PHACTR2: variants seen among roughly 807,000 people sequenced by gnomAD.
PHACTR2 encodes the protein chromosome 6 open reading frame 56.
Under a neutral mutation model 76.0 loss-of-function variants are expected in PHACTR2, and 30 were observed. That is an observed-to-expected ratio of 0.39 (90% confidence interval 0.30 to 0.54). The LOEUF is 0.54. Ranked by LOEUF, PHACTR2 falls within the 20% of genes least tolerant of loss-of-function variation. The probability of loss-of-function intolerance (pLI) is 0.61; values close to 1 mark genes in which losing one functional copy is unlikely to be tolerated. For synonymous variants in PHACTR2, 292 were observed against 292.5 expected (o/e 1.00, Z 0.02); for missense variants, 696 against 781.1 (o/e 0.89, Z 1.30).
Position 143,591,144 on chromosome 6 carries a change from C to T in PHACTR2, c.217+53937C>T, listed in dbSNP as rs1775686338. ...TGTGCCTTGTGATGCTTCCTTTTGC[C>T]CCATCAGCCAAGACATTCCACGTTC... On this transcript the variant is annotated intron_variant, in intron 1 of 11. Transcript: ENST00000367584. The surrounding 1 kb of genome is among the most constrained non-coding windows in gnomAD (Gnocchi z 6.4). Among the ~76,000 whole-genome samples the T allele has an allele frequency of 6.6e-6, 1 of 151,914 alleles. No individual in the cohort carries two copies. Among genetic ancestry groups the T allele is most frequent in the Admixed American group, 6.5e-5 (1 of 15,268 alleles).
chr6:143,716,853 C>A (rs1342124721), intron 2 of PHACTR2, among the ~76,000 whole-genome samples: 1 of 152,210 alleles, frequency 6.6e-6, no homozygotes, highest in Non-Finnish European at 1.5e-5. Context: ...GAGAGGAGGG[C>A]TTGCTCTGGT....
chr6:143,668,487 C>T (rs1777086569), intron 1 of PHACTR2, among the ~76,000 whole-genome samples: 1 of 152,070 alleles, frequency 6.6e-6, no homozygotes, highest in Admixed American at 6.6e-5. Flanking sequence ...GAATTCGGCT[C>T]TGAATCTGTC....
chr6:143,666,447 C>G (rs1777038093), intron 1 of PHACTR2, among the ~76,000 whole-genome samples: 1 of 152,162 alleles, frequency 6.6e-6, no homozygotes, highest in African/African-American at 2.4e-5. Context: ...CTTGAAGAAT[C>G]ACCACAGTGT....
chr6:143,817,520 T>G (rs538487412), intron 12 of PHACTR2, among the ~76,000 whole-genome samples: 2 of 152,274 alleles, frequency 1.3e-5, no homozygotes, highest in East Asian at 3.9e-4. Context: ...GATGGGCTCT[T>G]CAAGTCATTG....
chr6:143,824,443 G>A lies in PHACTR2; in HGVS notation c.*754G>A, dbSNP rs750016222. The A allele has an allele frequency of 6.6e-6, 1 of 152,590 alleles. No individual in the cohort carries two copies. Among genetic ancestry groups the A allele is most frequent in the African/African-American group, 2.4e-5 (1 of 41,422 alleles). 9.5% of individuals were successfully genotyped at this position (152,590 alleles called of 1,614,324 possible). The stretch of plus-strand genomic sequence containing the variant: ...TAAGTAGCATTAGCTATGCACACTT[G>A]ACATTTTTAAATATCCCTTTCCTAG... On this transcript the variant is annotated 3_prime_UTR_variant, in exon 13 of 13. Transcript: ENST00000440869. This position sits in a 1 kb window ranked among gnomAD's most constrained non-coding sequence, Gnocchi z 6.3.
chr6:143,638,140 A>G (rs1776495997), intron 1 of PHACTR2, among the ~76,000 whole-genome samples: 1 of 152,214 alleles, frequency 6.6e-6, no homozygotes, highest in South Asian at 2.1e-4. Context: ...ATAGACAGAA[A>G]CCACAAATAC....
At chr6:143,677,506 A>G (rs1777272287), upstream of PHACTR2, among the ~76,000 whole-genome samples, 1 of 152,158 alleles carries the variant, frequency 6.6e-6, no homozygotes, top group Non-Finnish European at 1.5e-5. Flanking sequence ...ACGTAGACCT[A>G]CCATTTAGAT....
rs1487634262 is a variant in PHACTR2, at chr6:143,611,591, G to A, written c.13+3269G>A. Among the ~76,000 whole-genome samples, 1 of 152,230 alleles carries A rather than the reference G, an allele frequency of 6.6e-6. No homozygotes were observed. The highest frequency in any genetic ancestry group is 2.4e-5 in the African/African-American group (1 of 41,454). On this transcript the variant is annotated intron_variant, in intron 1 of 11. Transcript: ENST00000305766. The surrounding 1 kb of genome is among the most constrained non-coding windows in gnomAD (Gnocchi z 4.4). ...GGTACCCATCTCATAGGATTGCTAT[G>A]AGGAGAAAATAAGATAACTCCTGTA...
upstream of PHACTR2, among the ~76,000 whole-genome samples, chr6:143,674,122 C>A (rs1286059859): frequency 2.6e-5 from 4 of 152,016 alleles, no homozygotes; most frequent in South Asian, 2.1e-4. The surrounding 1 kb of genome is among the most constrained non-coding windows in gnomAD (Gnocchi z 4.9). Flanking sequence ...GATATAGTAG[C>A]CATTTAGTTG....
chr6:143,567,207 G>A lies in PHACTR2; in HGVS notation c.217+30000G>A, dbSNP rs543301988. On this transcript the variant is annotated intron_variant, in intron 1 of 11. Coordinates refer to the PHACTR2 transcript ENST00000367584. ...CAAGTATTCTGGAGTCATTGTGAAA[G>A]CTGCAGATGTGGTTTAAGTGTGTTT... 6.6e-4 allele frequency among the ~76,000 whole-genome samples: 100 copies of A among 152,186 alleles called. 3 individuals carry two copies. In the South Asian group the frequency reaches 0.02, roughly 31 times the overall value.
intron 12 of PHACTR2, among the ~76,000 whole-genome samples, chr6:143,812,032 C>T (rs1187364341): frequency 1.3e-5 from 2 of 152,152 alleles, no homozygotes; most frequent in Non-Finnish European, 2.9e-5. Flanking sequence ...CCAAGTAAGG[C>T]TTCCCTTCAA....
rs1776459433 is a variant in PHACTR2, at chr6:143,823,150, T to G, written c.1923-524T>G. Among the ~76,000 whole-genome samples, 1 of 152,248 alleles carries G rather than the reference T, an allele frequency of 6.6e-6. No homozygotes were observed. Among genetic ancestry groups the G allele is most frequent in the Non-Finnish European group, 1.5e-5 (1 of 68,050 alleles). ...AAGCTTTGTATAGTTGTGGACATGC[T>G]TAGTATATACCTGTGGAACATCTGG... is the stretch of plus-strand genomic sequence containing the variant. On this transcript the variant is annotated intron_variant, in intron 12 of 12. Coordinates refer to ENST00000440869, the MANE Select transcript of PHACTR2 (RefSeq NM_001100164.2). This position sits in a 1 kb window ranked among gnomAD's most constrained non-coding sequence, Gnocchi z 5.7.
rs893636621 is a variant in PHACTR2 at position 143,777,987 on chromosome 6, C to A, written c.1645+604C>A. 6.6e-6 allele frequency among the ~76,000 whole-genome samples: 1 copy of A among 152,030 alleles called. No individual in the cohort carries two copies. The stretch of plus-strand genomic sequence containing the variant: ...TCTTTGACTTTAGTTTTTACTCATC[C>A]CTGCAGTAGTATTTATTGGAGTTAG... On this transcript the variant is annotated intron_variant, in intron 9 of 12. Coordinates refer to ENST00000440869, the MANE Select transcript of PHACTR2 (RefSeq NM_001100164.2). This position sits in a 1 kb window ranked among gnomAD's most constrained non-coding sequence, Gnocchi z 4.6.
chr6:143,696,630 G>A lies in PHACTR2; in HGVS notation c.47-15386G>A, dbSNP rs1777776804. 6.6e-6 allele frequency among the ~76,000 whole-genome samples: 1 copy of A among 152,154 alleles called. No homozygotes were observed. The highest frequency in any genetic ancestry group is 2.4e-5 in the African/African-American group (1 of 41,426). On this transcript the variant is annotated intron_variant, in intron 1 of 12. Transcript: ENST00000440869. This position sits in a 1 kb window ranked among gnomAD's most constrained non-coding sequence, Gnocchi z 4.1. The stretch of plus-strand genomic sequence containing the variant: ...AGATTATTACATTCAGATCTTTCTG[G>A]CACTGGAAGCCCATGTTTTTCCTTT...
At position 143,698,449 on chromosome 6, in the gene PHACTR2, T is replaced by A. The variant is rs1777823321; in HGVS notation, c.47-13567T>A. Among the ~76,000 whole-genome samples, 1 of 152,248 alleles carries A rather than the reference T, an allele frequency of 6.6e-6. No homozygotes were observed. Among genetic ancestry groups the A allele is most frequent in the Admixed American group, 6.5e-5 (1 of 15,292 alleles). On this transcript the variant is annotated intron_variant, in intron 1 of 12. Coordinates refer to ENST00000440869, the MANE Select transcript of PHACTR2 (RefSeq NM_001100164.2). The surrounding 1 kb of genome is among the most constrained non-coding windows in gnomAD (Gnocchi z 4.3). ...CCAAGGAATGTTAATCTTTTGCTTT[T>A]CAGTGGCTTTTAAATGGTTTCCTGT...
In PHACTR2 at chr6:143,823,865, G is replaced by C. The variant is rs1236650519; in HGVS notation, c.*176G>C. On this transcript the variant is annotated 3_prime_UTR_variant, in exon 13 of 13. Coordinates refer to ENST00000440869, the MANE Select transcript of PHACTR2 (RefSeq NM_001100164.2). This position sits in a 1 kb window ranked among gnomAD's most constrained non-coding sequence, Gnocchi z 5.7. Reference sequence around the variant, plus strand: ...GCTCCTCACCTGTGTGGCCCAGATGGCTCCAACAAGCAAAAGGAAGGATGC... The same window carrying C: ...GCTCCTCACCTGTGTGGCCCAGATGCCTCCAACAAGCAAAAGGAAGGATGC... 3.7e-6 allele frequency: 2 copies of C among 538,666 alleles called. No individual in the cohort carries two copies. The highest frequency in any genetic ancestry group is 5.7e-5 in the East Asian group (2 of 35,156). 33.4% of individuals were successfully genotyped at this position (538,666 alleles called of 1,614,324 possible). A position where few individuals can be genotyped will look rare whatever the true frequency, so the allele number is the denominator to read the frequency against.
In PHACTR2 at chr6:143,591,061, A is replaced by T. The variant is rs10214882; in HGVS notation, c.217+53854A>T. Among the ~76,000 whole-genome samples, 64,970 of 152,104 alleles carry T rather than the reference A, an allele frequency of 0.43. 14,205 individuals carry two copies. Among genetic ancestry groups the T allele is most frequent in the African/African-American group, 0.46 (19,250 of 41,478 alleles). On this transcript the variant is annotated intron_variant, in intron 1 of 11. Transcript: ENST00000367584. The surrounding 1 kb of genome is among the most constrained non-coding windows in gnomAD (Gnocchi z 6.4). ...ATACAGCATTTCTTATGATAATTTTATGTAAGTATTTGAGACAATATTTTG... is the reference window on the plus strand; with the variant it reads ...ATACAGCATTTCTTATGATAATTTTTTGTAAGTATTTGAGACAATATTTTG...
chr6:143,714,853 T>G (rs1778268084), intron 2 of PHACTR2, among the ~76,000 whole-genome samples: 2 of 152,206 alleles, frequency 1.3e-5, no homozygotes, highest in South Asian at 4.1e-4. Context: ...TTTTTTCCCA[T>G]TTTGCTTTGA....
intron 6 of PHACTR2, among the ~76,000 whole-genome samples, chr6:143,769,792 A>C (rs1775050418): frequency 6.6e-6 from 1 of 152,202 alleles, no homozygotes. Flanking sequence ...ATGTATTTTA[A>C]ACATTCTGTG....
Sources: allele counts gnomAD v4.1 joint callset (sites outside exome capture counted in the v4.1 genomes callset), GRCh38; gene constraint gnomAD v4.1.1; non-coding constraint Gnocchi (gnomAD v3.1); transcripts MANE v1.5; gene names NCBI Gene and HGNC (gene_info 2026-07-23, HGNC 2026-07-21).